CCDC157: variants seen among roughly 807,000 people sequenced by gnomAD.
CCDC157 encodes coiled-coil domain-containing protein 157.
In CCDC157, 60 loss-of-function variants were observed where a neutral mutation model predicts 70.9. The ratio of observed to expected loss-of-function variants is 0.85; its 90% CI spans 0.69 to 1.05. CCDC157 has a LOEUF of 1.05. Ranked by LOEUF, CCDC157 falls within the 50% of genes least tolerant of loss-of-function variation. The pLI, the probability that CCDC157 is intolerant of heterozygous loss-of-function variation, is 0.00. For missense variants in CCDC157, 943 were observed against 984.2 expected (o/e 0.96, Z 0.56); for synonymous variants, 373 against 422.4 (o/e 0.88, Z 1.43).
chr22:30,365,031 C>T (rs1177406639), intron 2 of CCDC157, among the ~76,000 whole-genome samples: 2 of 152,250 alleles, frequency 1.3e-5, no homozygotes, highest in South Asian at 4.1e-4. Context: ...CCTGGCTGGC[C>T]GCACTGGGGA....
At position 30,371,175 on chromosome 22, in the gene CCDC157, C is replaced by T. The variant is rs148626185; in HGVS notation, c.1045+225C>T. ...GGGGCCACCAGGAGCTGGGCTAGGA[C>T]GCTTGCCCAGACTCGTCCATCGGTC... On this transcript the variant is annotated intron_variant, in intron 5 of 11. Transcript: ENST00000338306. 101 of 605,742 alleles carry T rather than the reference C, an allele frequency of 1.7e-4. 1 individual carries two copies. In the East Asian group the frequency reaches 2.1e-3, roughly 12 times the overall value. 37.5% of individuals were successfully genotyped at this position (605,742 alleles called of 1,614,324 possible).
intron 9 of CCDC157, chr22:30,375,170 G>C (rs1933259981): frequency 3.1e-6 from 1 of 317,980 alleles, no homozygotes; most frequent in Non-Finnish European, 6.0e-6. Context: ...TGTTGGCCAG[G>C]ATGGTCTTGA....
chr22:30,363,337 C>G (rs1424771916), intron 2 of CCDC157, among the ~76,000 whole-genome samples: 1 of 152,160 alleles, frequency 6.6e-6, no homozygotes, highest in Non-Finnish European at 1.5e-5. Context: ...CAGGCCCCAG[C>G]ACAAGACAAG....
rs1932905313 is a variant in CCDC157, at chr22:30,370,847, G to A, written c.942G>A (p.Leu314=). The A allele has an allele frequency of 6.2e-7, 1 of 1,612,648 alleles. No individual in the cohort carries two copies. The highest frequency in any genetic ancestry group is 1.3e-5 in the African/African-American group (1 of 75,068). Residue 314 remains leucine (L), a synonymous_variant, in exon 5 of 12, where the codon CTG becomes CTA. Coordinates refer to ENST00000338306, the MANE Select transcript of CCDC157 (RefSeq NM_001017437.5). ...KDGLRKQAGK[L]EQALKQEQGA... is the part of the protein sequence containing the mutation. ...GCCTGAGGAAGCAGGCGGGCAAGCT[G>A]GAGCAGGCGCTGAAACAGGAGCAGG...
rs761441332 is a variant in CCDC157, at chr22:30,370,865, G to A, written c.960G>A (p.Gln320=). 3.1e-6 allele frequency: 5 copies of A among 1,612,296 alleles called. No homozygotes were observed. Among genetic ancestry groups the A allele is most frequent in the Non-Finnish European group, 8.5e-7 (1 of 1,179,996 alleles). ...QAGKLEQALK[Q]EQGARRRQAE... Reference sequence around the variant, plus strand: ...GCAAGCTGGAGCAGGCGCTGAAACAGGAGCAGGGGGCACGGCGGCGACAGG... The same window carrying A: ...GCAAGCTGGAGCAGGCGCTGAAACAAGAGCAGGGGGCACGGCGGCGACAGG... Residue 320 remains glutamine, a synonymous_variant, in exon 5 of 12, where the codon CAG becomes CAA. Coordinates refer to ENST00000338306, the MANE Select transcript of CCDC157 (RefSeq NM_001017437.5).
Position 30,378,172 on chromosome 22 carries a change from G to A in CCDC157, c.*1427G>A, listed in dbSNP as rs1376145191. 1 of 470,966 alleles carries A rather than the reference G, an allele frequency of 2.1e-6. No homozygotes were observed. The highest frequency in any genetic ancestry group is 2.3e-5 in the Admixed American group (1 of 42,580). 29.2% of individuals were successfully genotyped at this position (470,966 alleles called of 1,614,324 possible). A position where few individuals can be genotyped will look rare whatever the true frequency, so the allele number is the denominator to read the frequency against. On this transcript the variant is annotated 3_prime_UTR_variant, in exon 12 of 12. Transcript: ENST00000338306. ...AAGTCAACAACAGAGGATTTCTCAT[G>A]TGCTGAATCCCCCACATGCTTCAAA...
At position 30,370,352 on chromosome 22, in the gene CCDC157, C is replaced by G. The variant is rs774963254; in HGVS notation, c.447C>G (p.Pro149=). The G allele has an allele frequency of 2.5e-6, 4 of 1,613,948 alleles. No homozygotes were observed. The East Asian group carries it at 8.9e-5, about 36-fold the overall frequency. ...PQKGANQRET[P]TSKPTTKGEP... is the part of the protein sequence containing the mutation. ...AAGGGGCAAACCAAAGGGAGACTCCCACCTCCAAGCCCACCACCAAGGGCG... is the reference window on the plus strand; with the variant it reads ...AAGGGGCAAACCAAAGGGAGACTCCGACCTCCAAGCCCACCACCAAGGGCG... Residue 149 remains proline (P), a synonymous_variant, in exon 5 of 12, where the codon CCC becomes CCG. Transcript: ENST00000338306.
At position 30,375,971 on chromosome 22, in the gene CCDC157, C is replaced by T. The variant is rs191155272; in HGVS notation, c.1858-288C>T. On this transcript the variant is annotated intron_variant, in intron 10 of 11. Transcript: ENST00000338306. ...GAGAGGCTGAGGCGGGCAGATCACT[C>T]GAGCCCAGGAGTTTGAGACCAGCCT... 749 of 531,974 alleles carry T rather than the reference C, an allele frequency of 1.4e-3. 5 individuals carry two copies. The highest frequency in any genetic ancestry group is 0.013 in the Middle Eastern group (27 of 2,062). The allele number at this position is 531,974 out of a possible 1,614,324, so 33.0% of individuals were successfully genotyped here. A position where few individuals can be genotyped will look rare whatever the true frequency, so the allele number is the denominator to read the frequency against.
chr22:30,366,643 T>C (rs942297431), intron 3 of CCDC157: 7 of 275,106 alleles, frequency 2.5e-5, no homozygotes, highest in Admixed American at 1.9e-4. Flanking sequence ...TCCTGTGGGT[T>C]GTGCTGTTCC....
At chr22:30,364,459 C>T (rs771073773) in intron 2 of CCDC157, among the ~76,000 whole-genome samples, 1 of 152,068 alleles carries the variant, frequency 6.6e-6, no homozygotes, top group Non-Finnish European at 1.5e-5. Flanking sequence ...AAACTATGTA[C>T]CCTGAAACTA....
Position 30,378,048 on chromosome 22 carries a change from C to CA in CCDC157, c.*1303_*1304insA. On this transcript the variant is annotated 3_prime_UTR_variant, in exon 12 of 12. Coordinates refer to ENST00000338306, the MANE Select transcript of CCDC157 (RefSeq NM_001017437.5). ...AATTCCGATCCTTGCGGCTGTGGGACTGAGGTCCCCATGTCCTCGCTGGCT... is the reference window on the plus strand; with the variant it reads ...AATTCCGATCCTTGCGGCTGTGGGACATGAGGTCCCCATGTCCTCGCTGGCT... The CA allele has an allele frequency of 2.1e-6, 1 of 466,384 alleles. No homozygotes were observed. Among genetic ancestry groups the CA allele is most frequent in the Non-Finnish European group, 4.5e-6 (1 of 224,718 alleles). The allele number at this position is 466,384 out of a possible 1,614,324, so 28.9% of individuals were successfully genotyped here.
rs111911350 is a variant in CCDC157 at position 30,375,249 on chromosome 22, G to T, written c.1673-230G>T. On this transcript the variant is annotated intron_variant, in intron 9 of 11. Transcript: ENST00000338306. Reference sequence around the variant, plus strand: ...TGGGATTACAGGCGTGAGCCACCGCGCCCGGCCTTGCTAAGTCTTTTGAGA... The same window carrying T: ...TGGGATTACAGGCGTGAGCCACCGCTCCCGGCCTTGCTAAGTCTTTTGAGA... 6 of 475,820 alleles carry T rather than the reference G, an allele frequency of 1.3e-5. No homozygotes were observed. The East Asian group carries it at 2.4e-4, about 19-fold the overall frequency. The allele number at this position is 475,820 out of a possible 1,614,324, so 29.5% of individuals were successfully genotyped here.
upstream of CCDC157, chr22:30,356,725 G>A (rs370765021): frequency 4.7e-6 from 7 of 1,491,334 alleles, no homozygotes; most frequent in South Asian, 2.6e-5. Context: ...GCGGGGGAGA[G>A]GTACCTGTTT....
chr22:30,374,249 C>T, intron 9 of CCDC157, 158 bp downstream of exon 9: 1 of 799,424 alleles, frequency 1.3e-6, no homozygotes, highest in Non-Finnish European at 2.0e-6. Flanking sequence ...CCCACCACAG[C>T]ACGCAAGTGC....
intron 4 of CCDC157, chr22:30,369,859 G>A (rs571108345): frequency 1.1e-5 from 5 of 454,738 alleles, no homozygotes; most frequent in East Asian, 3.3e-5. Context: ...ACTTTGAACC[G>A]CAGTTTCTTC....
chr22:30,375,304 T>G (rs1933269777), intron 9 of CCDC157, 175 bp from the exon 10 acceptor site: 1 of 613,296 alleles, frequency 1.6e-6, no homozygotes, highest in African/African-American at 1.9e-5. Context: ...TCTCAGATTT[T>G]ATAATACTAT....
intron 10 of CCDC157, 143 bp downstream of exon 10, chr22:30,375,806 C>CAAA: frequency 1.4e-6 from 1 of 727,486 alleles, no homozygotes; most frequent in Non-Finnish European, 2.2e-6. Context: ...ACATTTTTCA[C>CAAA]ATTTCCAGAA....
rs753736532 is a variant in CCDC157 at position 30,373,710 on chromosome 22, G to C, written c.1449G>C (p.Glu483Asp). ...CTGAGGCCCAGCGGGCCCGCGTGGA[G>C]GAGCAGCTGCAGAGCGAGCGGGAGC... ...DEAEAQRARVEEQLQSEREQG... is the reference protein window; with the variant it reads ...DEAEAQRARVDEQLQSEREQG... Residue 483 changes from glutamate to aspartate, a missense_variant, in exon 8 of 12, where the codon GAG becomes GAC. Coordinates refer to ENST00000338306, the MANE Select transcript of CCDC157 (RefSeq NM_001017437.5). 7 of 1,553,496 alleles carry C rather than the reference G, an allele frequency of 4.5e-6. No individual in the cohort carries two copies. Among genetic ancestry groups the C allele is most frequent in the Non-Finnish European group, 6.1e-6 (7 of 1,148,896 alleles).
chr22:30,373,833 A>G (rs1410030921), intron 8 of CCDC157, 69 bp downstream of exon 8: 2 of 1,534,612 alleles, frequency 1.3e-6, no homozygotes, highest in Non-Finnish European at 1.8e-6. Flanking sequence ...GGCCTGTCCC[A>G]TGTCTTTTCT....
Sources: allele counts gnomAD v4.1 joint callset (sites outside exome capture counted in the v4.1 genomes callset), GRCh38; gene constraint gnomAD v4.1.1; transcripts MANE v1.5; gene names NCBI Gene and HGNC (gene_info 2026-07-23, HGNC 2026-07-21).